CTNNA3: variants seen among roughly 807,000 people sequenced by gnomAD.
CTNNA3 encodes the protein catenin alpha 3, also known as catenin alpha-3.
CTNNA3 carries 76 observed loss-of-function variants against 95.7 expected under a neutral mutation model. The ratio of observed to expected loss-of-function variants is 0.79; its 90% CI spans 0.66 to 0.96. CTNNA3 has a LOEUF of 0.96. Among genes scored for constraint, CTNNA3 ranks in the 40% least tolerant of loss-of-function variants. CTNNA3 has a pLI of 0.00. For synonymous variants in CTNNA3, 431 were observed against 374.4 expected (o/e 1.15, Z -1.74); for missense variants, 1,191 against 1,089.8 (o/e 1.09, Z -1.31).
chr10:67,122,165 T>C (rs935487214), intron 7 of CTNNA3, among the ~76,000 whole-genome samples: 2 of 152,000 alleles, frequency 1.3e-5, no homozygotes, highest in African/African-American at 2.4e-5. Flanking sequence ...AGGGAAAGGA[T>C]AAGCAAGCAG....
chr10:65,922,341 C>T (rs2077100937), intron 17 of CTNNA3, among the ~76,000 whole-genome samples: 3 of 152,124 alleles, frequency 2.0e-5, no homozygotes, highest in African/African-American at 4.8e-5. Flanking sequence ...TTTGCCAATG[C>T]ATTTTGTTAG....
At chr10:66,660,835 A>G (rs1846238015) in intron 9 of CTNNA3, among the ~76,000 whole-genome samples, 1 of 152,046 alleles carries the variant, frequency 6.6e-6, no homozygotes, top group South Asian at 2.1e-4. Flanking sequence ...AGCACTTATC[A>G]CCATCTAATA....
intron 7 of CTNNA3, among the ~76,000 whole-genome samples, chr10:67,036,831 G>A (rs1854092478): frequency 6.6e-6 from 1 of 152,010 alleles, no homozygotes; most frequent in African/African-American, 2.4e-5. Context: ...TCTGGGAAAT[G>A]AATATTAAAG....
At chr10:66,474,383 A>G (rs1839247983) in intron 11 of CTNNA3, among the ~76,000 whole-genome samples, 1 of 151,976 alleles carries the variant, frequency 6.6e-6, no homozygotes, top group Non-Finnish European at 1.5e-5. Context: ...ACAATATTTC[A>G]TTTTTTGAAT....
chr10:67,690,564 C>T (rs561513370), intron 1 of CTNNA3, among the ~76,000 whole-genome samples: 216 of 152,128 alleles, frequency 1.4e-3, no homozygotes, highest in African/African-American at 5.0e-3. Flanking sequence ...AGACACAGAG[C>T]GCTGATTGGT....
chr10:67,357,797 T>C (rs1459150840), intron 5 of CTNNA3, among the ~76,000 whole-genome samples: 1 of 151,914 alleles, frequency 6.6e-6, no homozygotes, highest in East Asian at 1.9e-4. Context: ...AGCACCACCA[T>C]ACATTAAATG....
At chr10:67,750,442 T>C (rs904843784) in intron 1 of CTNNA3, 1 of 1,492,400 alleles carries the variant, frequency 6.7e-7, no homozygotes, top group Non-Finnish European at 9.3e-7. Flanking sequence ...AGAATGAACA[T>C]GAGGTGGGGG....
chr10:66,298,271 G>A (rs1254281930), intron 12 of CTNNA3, among the ~76,000 whole-genome samples: 1 of 152,062 alleles, frequency 6.6e-6, no homozygotes, highest in African/African-American at 2.4e-5. Flanking sequence ...TAACTTAGAT[G>A]GGTTCATTAA....
intron 5 of CTNNA3, among the ~76,000 whole-genome samples, chr10:67,287,405 T>C (rs1839650402): frequency 6.6e-6 from 1 of 152,154 alleles, no homozygotes; most frequent in Non-Finnish European, 1.5e-5. Context: ...CATTCCAGAC[T>C]AGTCAATGGT....
chr10:65,936,721 C>T (rs1428357352), intron 17 of CTNNA3, among the ~76,000 whole-genome samples: 1 of 152,018 alleles, frequency 6.6e-6, no homozygotes, highest in Non-Finnish European at 1.5e-5. Context: ...ATGTTGAAAA[C>T]TTTTCTCTGT....
At chr10:66,920,009 G>A (rs761821335) in intron 7 of CTNNA3, among the ~76,000 whole-genome samples, 3 of 152,116 alleles carry the variant, frequency 2.0e-5, no homozygotes, top group Non-Finnish European at 4.4e-5. Context: ...AATGGTTGTG[G>A]TATTAAAATT....
chr10:66,382,910 G>T (rs2092853750), intron 11 of CTNNA3, among the ~76,000 whole-genome samples: 1 of 151,938 alleles, frequency 6.6e-6, no homozygotes, highest in African/African-American at 2.4e-5. Flanking sequence ...TCAACAAAAA[G>T]ATCATCTACA....
chr10:67,657,138 G>C (rs904551903), intron 1 of CTNNA3, among the ~76,000 whole-genome samples: 15 of 152,172 alleles, frequency 9.9e-5, no homozygotes, highest in African/African-American at 3.4e-4. Flanking sequence ...ACATAGGCTA[G>C]AGAGAACTCA....
rs534249401 is a variant in CTNNA3 at position 66,188,687 on chromosome 10, T to C, written c.1885-85438A>G. Among the ~76,000 whole-genome samples, 42 of 151,174 alleles carry C rather than the reference T, an allele frequency of 2.8e-4. 1 individual carries two copies. In the South Asian group the frequency reaches 8.7e-3, roughly 31 times the overall value. The stretch of plus-strand genomic sequence containing the variant: ...GTAACAATACTTTGCTTCCATATCA[T>C]GGCTATTGTAAATAATGCTGCAATA... On this transcript the variant is annotated intron_variant, in intron 13 of 17. Transcript: ENST00000433211.
At chr10:66,639,446 GCA>G (rs1377685088) in intron 9 of CTNNA3, among the ~76,000 whole-genome samples, 1 of 152,034 alleles carries the variant, frequency 6.6e-6, no homozygotes, top group South Asian at 2.1e-4. Context: ...AGGAGAAATG[GCA>G]GTATAGGTAT....
intron 7 of CTNNA3, among the ~76,000 whole-genome samples, chr10:66,855,929 A>AT (rs1256354468): frequency 1.3e-5 from 2 of 151,882 alleles, no homozygotes; most frequent in African/African-American, 2.4e-5. Context: ...ACCTGTTTTC[A>AT]TTTTTTTAAC....
intron 6 of CTNNA3, 137 bp downstream of exon 6, chr10:67,219,470 C>T (rs111981787): frequency 2.5e-4 from 225 of 906,692 alleles, no homozygotes; most frequent in Middle Eastern, 2.0e-3. Context: ...TTGGAAGACT[C>T]AAGAAGGTGA....
At chr10:66,336,362 C>T (rs554281335) in intron 12 of CTNNA3, among the ~76,000 whole-genome samples, 49 of 152,092 alleles carry the variant, frequency 3.2e-4, no homozygotes, top group Non-Finnish European at 4.0e-4. Flanking sequence ...CCTATCCGGC[C>T]ATCTTAGCTC....
chr10:65,918,717 A>T lies in CTNNA3; in HGVS notation c.*1613T>A, dbSNP rs1411968632. ...GAGCTCAGGCAATCCAGCTACTTGGAAGATTGAAATAATTCATTACAAGAA... is the reference window on the plus strand; with the variant it reads ...GAGCTCAGGCAATCCAGCTACTTGGTAGATTGAAATAATTCATTACAAGAA... On this transcript the variant is annotated 3_prime_UTR_variant, in exon 18 of 18. Transcript: ENST00000433211. The T allele has an allele frequency of 6.6e-6, 1 of 152,132 alleles. No individual in the cohort carries two copies. The highest frequency in any genetic ancestry group is 2.4e-5 in the African/African-American group (1 of 41,426). The allele number at this position is 152,132 out of a possible 1,614,324, so 9.4% of individuals were successfully genotyped here.
Sources: gnomAD v4.1 joint callset for allele counts (sites outside exome capture counted in the v4.1 genomes callset) on GRCh38, gnomAD v4.1.1 for gene constraint, MANE v1.5 for transcripts, NCBI Gene and HGNC (gene_info 2026-07-23, HGNC 2026-07-21) for gene names.